The following TRIQK variants were observed in gnomAD, a reference collection of about 807,000 sequenced individuals.
TRIQK encodes triple QxxK/R motif-containing protein.
Under a neutral mutation model 10.8 loss-of-function variants are expected in TRIQK, and 10 were observed. The observed-to-expected ratio is 0.92, with a 90% CI of 0.57 to 1.57. The LOEUF is 1.57. Ranked by LOEUF, TRIQK falls within the 40% of genes most tolerant of loss-of-function variation. The pLI is 0.00. For synonymous variants in TRIQK, 33 were observed against 33.7 expected (o/e 0.98, Z 0.07); for missense variants, 107 against 97.7 (o/e 1.09, Z -0.40).
In TRIQK at chr8:93,008,604, T is replaced by A. The variant is rs1409563017; in HGVS notation, c.-181+9005A>T. Among the ~76,000 whole-genome samples the A allele has an allele frequency of 3.9e-5, 6 of 151,988 alleles. 1 individual carries two copies. The highest frequency in any genetic ancestry group is 2.1e-4 in the South Asian group (1 of 4,824). The stretch of plus-strand genomic sequence containing the variant: ...GACTTCAAAATATACCTCAAAGCTA[T>A]AGAAACAGCACAGTACTGGCATAAA... On this transcript the variant is annotated intron_variant, in intron 1 of 4. Transcript: ENST00000520686.
At chr8:92,931,886 G>A (rs577201505) in intron 2 of TRIQK, among the ~76,000 whole-genome samples, 1 of 152,196 alleles carries the variant, frequency 6.6e-6, no homozygotes, top group African/African-American at 2.4e-5. Context: ...TGCGGTACCA[G>A]GAAAGAATGG....
intron 1 of TRIQK, among the ~76,000 whole-genome samples, chr8:92,984,064 T>C (rs1202477937): frequency 6.6e-6 from 1 of 152,052 alleles, no homozygotes; most frequent in Non-Finnish European, 1.5e-5. Context: ...ATTGAGATAA[T>C]ACATGAAAAT....
intron 2 of TRIQK, among the ~76,000 whole-genome samples, chr8:92,918,297 A>G (rs1809976344): frequency 6.6e-6 from 1 of 152,036 alleles, no homozygotes; most frequent in Non-Finnish European, 1.5e-5. Context: ...AGGAACCTCC[A>G]TATTGTTTTC....
chr8:92,907,978 T>C lies in TRIQK; in HGVS notation c.61+8951A>G, dbSNP rs1432139625. ...TTAGGGATGGACACAGTCATTTATATGTTCTAAAAAGTTATCTATGCCAGA... is the reference window on the plus strand; with the variant it reads ...TTAGGGATGGACACAGTCATTTATACGTTCTAAAAAGTTATCTATGCCAGA... On this transcript the variant is annotated intron_variant, in intron 3 of 4. Transcript: ENST00000521988. Among the ~76,000 whole-genome samples, 5 of 152,288 alleles carry C rather than the reference T, an allele frequency of 3.3e-5. 1 individual carries two copies. Among genetic ancestry groups the C allele is most frequent in the African/African-American group, 9.6e-5 (4 of 41,590 alleles).
At chr8:92,934,442 T>C (rs1810884121) in intron 2 of TRIQK, among the ~76,000 whole-genome samples, 1 of 151,850 alleles carries the variant, frequency 6.6e-6, no homozygotes, top group Non-Finnish European at 1.5e-5. Context: ...CTAATGGAAA[T>C]TATGTGTACT....
At chr8:92,906,235 C>T (rs2130380376) in intron 3 of TRIQK, among the ~76,000 whole-genome samples, 1 of 152,222 alleles carries the variant, frequency 6.6e-6, no homozygotes, top group Admixed American at 6.5e-5. Flanking sequence ...GCCACCTAGG[C>T]AGTTTGAATT....
At position 92,886,607 on chromosome 8, in the gene TRIQK, T is replaced by C. The variant is rs776431030; in HGVS notation, c.*15A>G. ...CGTAAAGTTATTTCTCTTTCATGCA[T>C]TGATTGTTGCTTAGCTAATCTTCAT... On this transcript the variant is annotated 3_prime_UTR_variant, in exon 5 of 5. Transcript: ENST00000521988. 49 of 1,473,956 alleles carry C rather than the reference T, an allele frequency of 3.3e-5. 1 individual carries two copies. Among genetic ancestry groups the C allele is most frequent in the South Asian group, 2.5e-4 (19 of 77,378 alleles). The allele number at this position is 1,473,956 out of a possible 1,614,324, so 91.3% of individuals were successfully genotyped here. A position where few individuals can be genotyped will look rare whatever the true frequency, so the allele number is the denominator to read the frequency against.
upstream of TRIQK, among the ~76,000 whole-genome samples, chr8:92,966,552 A>C (rs57207956): frequency 1.3e-5 from 2 of 152,216 alleles, no homozygotes; most frequent in African/African-American, 4.8e-5. Context: ...GAGATTAATA[A>C]ATTTAGGAAA....
At chr8:92,986,538 A>G (rs1813032161) in intron 1 of TRIQK, among the ~76,000 whole-genome samples, 2 of 152,302 alleles carry the variant, frequency 1.3e-5, no homozygotes, top group African/African-American at 4.8e-5. Context: ...TGATTTAATG[A>G]CAATACACCT....
At chr8:92,910,827 A>T (rs1004945941) in intron 3 of TRIQK, among the ~76,000 whole-genome samples, 1 of 151,440 alleles carries the variant, frequency 6.6e-6, no homozygotes. Context: ...CTTCAAATAT[A>T]TAAAGCAAAA....
In TRIQK at chr8:92,907,463, C is replaced by T. The variant is rs554502502; in HGVS notation, c.61+9466G>A. 6.6e-4 allele frequency among the ~76,000 whole-genome samples: 100 copies of T among 152,206 alleles called. 2 individuals carry two copies. In the South Asian group the frequency reaches 0.021, roughly 31 times the overall value. ...TGGATTAAAAATATATACTTGAAAA[C>T]TCAAGGTACATAATCAACAGAATTT... On this transcript the variant is annotated intron_variant, in intron 3 of 4. Transcript: ENST00000521988.
chr8:92,930,780 C>T (rs567976745), intron 2 of TRIQK, among the ~76,000 whole-genome samples: 79 of 152,230 alleles, frequency 5.2e-4, no homozygotes, highest in South Asian at 1.5e-3. Context: ...TCAATGCTTA[C>T]AATCCCTCTA....
chr8:92,898,853 A>G lies in TRIQK; in HGVS notation c.62-6779T>C, dbSNP rs1479365111. Among the ~76,000 whole-genome samples the G allele has an allele frequency of 2.5e-4, 34 of 137,324 alleles. 2 individuals carry two copies. The highest frequency in any genetic ancestry group is 9.0e-4 in the African/African-American group (33 of 36,812). The allele number at this position is 137,324 out of a possible 152,430, so 90.1% of individuals were successfully genotyped here. A position where few individuals can be genotyped will look rare whatever the true frequency, so the allele number is the denominator to read the frequency against. Reference sequence around the variant, plus strand: ...TGTGTGTATATATATATATATATATATATATATATATATATATATAGATGG... The same window carrying G: ...TGTGTGTATATATATATATATATATGTATATATATATATATATATAGATGG... On this transcript the variant is annotated intron_variant, in intron 3 of 4. Transcript: ENST00000521988.
chr8:92,909,009 A>G (rs909807545), intron 3 of TRIQK, among the ~76,000 whole-genome samples: 1 of 151,946 alleles, frequency 6.6e-6, no homozygotes, highest in Non-Finnish European at 1.5e-5. Flanking sequence ...AAGTAACACA[A>G]TTTGTCATAT....
At chr8:93,003,419 G>C (rs571638089) in intron 1 of TRIQK, among the ~76,000 whole-genome samples, 1 of 152,112 alleles carries the variant, frequency 6.6e-6, no homozygotes, top group Non-Finnish European at 1.5e-5. Flanking sequence ...ACCAGCAAGA[G>C]AGAAATCAGC....
intron 1 of TRIQK, among the ~76,000 whole-genome samples, chr8:92,997,073 AG>A (rs2130754038): frequency 6.6e-6 from 1 of 152,118 alleles, no homozygotes; most frequent in East Asian, 1.9e-4. Context: ...TGTTAGTACT[AG>A]GGTAGTAATT....
chr8:92,906,921 T>C (rs543528307), intron 3 of TRIQK, among the ~76,000 whole-genome samples: 5 of 151,702 alleles, frequency 3.3e-5, no homozygotes, highest in African/African-American at 1.2e-4. Flanking sequence ...ATACTGGACT[T>C]AGTGAACAGC....
Position 92,886,437 on chromosome 8 carries a change from T to C in TRIQK, c.*185A>G, listed in dbSNP as rs1816481350. On this transcript the variant is annotated 3_prime_UTR_variant, in exon 5 of 5. Coordinates refer to ENST00000521988, the MANE Select transcript of TRIQK (RefSeq NM_001171797.2). ...TATAAAAGTATCCAGTAGCACATAC[T>C]ATACTGCATTGCTAGGTAAGGTTCT... 3 of 461,420 alleles carry C rather than the reference T, an allele frequency of 6.5e-6. No individual in the cohort carries two copies. In the South Asian group the frequency reaches 9.4e-5, roughly 14 times the overall value. 28.6% of individuals were successfully genotyped at this position (461,420 alleles called of 1,614,324 possible).
chr8:92,904,035 A>G (rs1239682484), intron 3 of TRIQK, among the ~76,000 whole-genome samples: 1 of 152,116 alleles, frequency 6.6e-6, no homozygotes, highest in Non-Finnish European at 1.5e-5. Context: ...GTTAGCAAAG[A>G]AGCCATGTGG....
Sources: allele counts gnomAD v4.1 joint callset (sites outside exome capture counted in the v4.1 genomes callset), GRCh38; gene constraint gnomAD v4.1.1; transcripts MANE v1.5; gene names NCBI Gene and HGNC (gene_info 2026-07-23, HGNC 2026-07-21).